The following RHPN2 variants were observed in gnomAD, a reference collection of about 807,000 sequenced individuals.
RHPN2 encodes the protein rhophilin Rho GTPase binding protein 2, also known as rhophilin-2.
RHPN2 carries 40 observed loss-of-function variants against 79.0 expected under a neutral mutation model. That is an observed-to-expected ratio of 0.51 (90% confidence interval 0.39 to 0.66). RHPN2 has a LOEUF of 0.66. RHPN2 is among the 30% of genes least tolerant of loss of function. RHPN2 has a pLI of 0.00. For synonymous variants in RHPN2, 285 were observed against 363.5 expected, an observed-to-expected ratio of 0.78 and a Z score of 2.46; for missense variants, 686 against 883.5, an observed-to-expected ratio of 0.78 and a Z score of 2.83.
intron 14 of RHPN2, among the ~76,000 whole-genome samples, chr19:32,981,071 C>T (rs1402876053): frequency 1.3e-5 from 2 of 152,046 alleles, no homozygotes; most frequent in African/African-American, 4.8e-5. Flanking sequence ...GTGATCCGCC[C>T]GTCTTGGCCT....
chr19:32,982,634 T>C (rs1971583699), intron 14 of RHPN2, among the ~76,000 whole-genome samples: 1 of 151,926 alleles, frequency 6.6e-6, no homozygotes, highest in African/African-American at 2.4e-5. Context: ...CTGAAAGCAT[T>C]TCCCAACCCT....
At chr19:33,013,248 G>A (rs1404004780) in intron 4 of RHPN2, among the ~76,000 whole-genome samples, 1 of 150,942 alleles carries the variant, frequency 6.6e-6, no homozygotes, top group Non-Finnish European at 1.5e-5. Flanking sequence ...AGGCTAGAGT[G>A]CAATCTTGCG....
At chr19:33,062,799 T>TG (rs1972292551) in intron 1 of RHPN2, among the ~76,000 whole-genome samples, 1 of 119,640 alleles carries the variant, frequency 8.4e-6, no homozygotes, top group Non-Finnish European at 1.7e-5. Flanking sequence ...ATAATAATAA[T>TG]AATAATTAAT....
At chr19:33,026,827 G>C (rs1971971874) in intron 2 of RHPN2, 195 bp from the exon 3 acceptor site, 1 of 585,046 alleles carries the variant, frequency 1.7e-6, no homozygotes, top group Non-Finnish European at 3.2e-6. Context: ...ACGTGGAGCT[G>C]GGGACACAGG....
chr19:32,982,389 G>T (rs1385131823), intron 14 of RHPN2, among the ~76,000 whole-genome samples: 11 of 151,764 alleles, frequency 7.2e-5, no homozygotes, highest in Admixed American at 7.2e-4. Flanking sequence ...CCTGGGCGAT[G>T]GAGTGAGACG....
chr19:32,994,224 C>T (rs1253439202), intron 11 of RHPN2, among the ~76,000 whole-genome samples, 171 bp from the exon 12 acceptor site: 1 of 151,994 alleles, frequency 6.6e-6, no homozygotes, highest in South Asian at 2.1e-4. Context: ...GGTGAAACCC[C>T]ATCTCTATTA....
intron 1 of RHPN2, among the ~76,000 whole-genome samples, chr19:33,047,375 G>T (rs950324314): frequency 1.3e-5 from 2 of 151,978 alleles, no homozygotes; most frequent in African/African-American, 4.8e-5. Context: ...TGTGCCCTGG[G>T]GTATTTGGAT....
At chr19:32,999,447 T>C in intron 10 of RHPN2, 139 bp downstream of exon 10, 1 of 1,092,898 alleles carries the variant, frequency 9.1e-7, no homozygotes, top group Non-Finnish European at 1.3e-6. Context: ...CCTCATGACT[T>C]CTGAACCCAA....
intron 2 of RHPN2, among the ~76,000 whole-genome samples, chr19:33,031,298 T>C (rs1290508150): frequency 7.2e-6 from 1 of 137,954 alleles, no homozygotes. Context: ...TCTTGTTTTG[T>C]CACCCAGGCT....
intron 10 of RHPN2, among the ~76,000 whole-genome samples, chr19:32,997,609 C>T (rs1339873185): frequency 6.6e-6 from 1 of 152,086 alleles, no homozygotes; most frequent in Non-Finnish European, 1.5e-5. Flanking sequence ...CCCACCTCAG[C>T]CTCCCAAGTA....
At chr19:32,988,908 G>T (rs1351920401) in intron 14 of RHPN2, among the ~76,000 whole-genome samples, 9 of 152,156 alleles carry the variant, frequency 5.9e-5, no homozygotes, top group African/African-American at 2.2e-4. Context: ...TTCGCTGGGG[G>T]GCAGGGACCT....
chr19:33,026,293 G>A (rs1427350379), intron 3 of RHPN2, among the ~76,000 whole-genome samples: 1 of 151,708 alleles, frequency 6.6e-6, no homozygotes, highest in Non-Finnish European at 1.5e-5. Flanking sequence ...ATGCCTTTTT[G>A]TCCAACACTG....
At chr19:33,028,275 G>A (rs1470061796) in intron 2 of RHPN2, among the ~76,000 whole-genome samples, 1 of 151,254 alleles carries the variant, frequency 6.6e-6, no homozygotes, top group African/African-American at 2.4e-5. Flanking sequence ...TCCAGCCTCA[G>A]CCTCCCAAGG....
intron 1 of RHPN2, among the ~76,000 whole-genome samples, 170 bp downstream of exon 1, chr19:33,064,614 G>A (rs1025640314): frequency 2.6e-5 from 4 of 151,700 alleles, no homozygotes; most frequent in African/African-American, 7.3e-5. Context: ...GGACATCGCC[G>A]CCCCCACTCC....
chr19:33,009,871 C>T (rs759244090), intron 6 of RHPN2, among the ~76,000 whole-genome samples: 16 of 152,154 alleles, frequency 1.1e-4, no homozygotes, highest in Admixed American at 3.3e-4. Context: ...CTCCACTTCC[C>T]GGATTCAAGT....
In RHPN2 at chr19:33,044,284, G is replaced by C. The variant is rs140849987; in HGVS notation, c.150C>G (p.Ala50=). 13 of 1,614,004 alleles carry C rather than the reference G, an allele frequency of 8.1e-6. No individual in the cohort carries two copies. The highest frequency in any genetic ancestry group is 1.1e-5 in the Non-Finnish European group (13 of 1,179,998). The change falls in exon 2 of 15, where the codon GCC becomes GCG. Residue 50 remains alanine, a synonymous_variant. Coordinates refer to ENST00000254260, the MANE Select transcript of RHPN2 (RefSeq NM_033103.5). ...TTTCCGCTCCGGTCCTCATCCGCAC[G>C]GCTTTCAGGATCTGCTGATTCAAAG... ...RAALNQQILK[A]VRMRTGAENL... is the part of the protein sequence containing the mutation.
intron 2 of RHPN2, among the ~76,000 whole-genome samples, chr19:33,028,137 C>T (rs1193632730): frequency 1.3e-5 from 2 of 148,984 alleles, no homozygotes; most frequent in Non-Finnish European, 3.0e-5. Flanking sequence ...AGGGCATAAT[C>T]AATATACAAA....
chr19:33,045,164 G>A (rs1382027094), intron 1 of RHPN2, among the ~76,000 whole-genome samples: 1 of 149,204 alleles, frequency 6.7e-6, no homozygotes, highest in African/African-American at 2.5e-5. Context: ...TGATTCTCAT[G>A]CCTCAGCTTT....
chr19:32,980,632 C>T (rs888736798), intron 14 of RHPN2, among the ~76,000 whole-genome samples: 2 of 152,028 alleles, frequency 1.3e-5, no homozygotes, highest in African/African-American at 2.4e-5. Context: ...AGACATAATT[C>T]GGAAACTCAG....
Sources: allele counts gnomAD v4.1 joint callset (sites outside exome capture counted in the v4.1 genomes callset), GRCh38; gene constraint gnomAD v4.1.1; transcripts MANE v1.5; gene names NCBI Gene and HGNC (gene_info 2026-07-23, HGNC 2026-07-21).